CSMD1: variants seen among roughly 807,000 people sequenced by gnomAD.
The protein encoded by CSMD1 is CUB and Sushi multiple domains 1.
Under a neutral mutation model 417.5 loss-of-function variants are expected in CSMD1, and 213 were observed. The ratio of observed to expected loss-of-function variants is 0.51; its 90% CI spans 0.46 to 0.57. The LOEUF (loss-of-function observed/expected upper bound fraction) is 0.57. Ranked by LOEUF, CSMD1 falls within the 20% of genes least tolerant of loss-of-function variation. The probability of loss-of-function intolerance (pLI) is 0.00; values close to 1 mark genes in which losing one functional copy is unlikely to be tolerated. For missense variants in CSMD1, 6,923 were observed against 4,529.7 expected (o/e 1.53, Z -15.17); for synonymous variants, 2,862 against 1,736.8 (o/e 1.65, Z -16.11).
intron 1 of CSMD1, among the ~76,000 whole-genome samples, chr8:4,834,231 G>A (rs906483606): frequency 6.6e-6 from 1 of 152,160 alleles, no homozygotes; most frequent in African/African-American, 2.4e-5. Context: ...GGTAAGGAGA[G>A]GGAAGAAAAA....
intron 21 of CSMD1, among the ~76,000 whole-genome samples, chr8:3,355,668 C>T (rs1344054150): frequency 2.0e-5 from 3 of 152,196 alleles, no homozygotes. Context: ...TTTACCCAGA[C>T]TGGCAAAACT....
At chr8:4,130,717 A>G (rs926756291) in intron 3 of CSMD1, among the ~76,000 whole-genome samples, 14 of 121,680 alleles carry the variant, frequency 1.2e-4, no homozygotes, top group Admixed American at 6.6e-4. Flanking sequence ...ATAACACATG[A>G]AAGTATTTTG....
chr8:4,939,046 T>C (rs1047565779), intron 1 of CSMD1, among the ~76,000 whole-genome samples: 2 of 152,230 alleles, frequency 1.3e-5, no homozygotes, highest in African/African-American at 4.8e-5. Context: ...ACATTAACCC[T>C]GCATCAGATG....
intron 1 of CSMD1, among the ~76,000 whole-genome samples, chr8:4,724,138 T>C (rs1194570612): frequency 6.6e-6 from 1 of 152,152 alleles, no homozygotes; most frequent in Non-Finnish European, 1.5e-5. Context: ...AGACCTCCTC[T>C]TGCAAACAAA....
chr8:4,882,060 C>G (rs756334910), intron 1 of CSMD1, among the ~76,000 whole-genome samples: 2 of 151,988 alleles, frequency 1.3e-5, no homozygotes, highest in Non-Finnish European at 2.9e-5. Context: ...TTTCTGTTTT[C>G]TTATTTAGAA....
chr8:3,141,062 T>C (rs980427162), intron 41 of CSMD1, among the ~76,000 whole-genome samples: 1 of 152,188 alleles, frequency 6.6e-6, no homozygotes, highest in African/African-American at 2.4e-5. Flanking sequence ...ACAATGGGAC[T>C]CTCTGTGTCC....
rs532823741 is a variant in CSMD1, at chr8:4,946,036, T to G, written c.85+48296A>C. 2.5e-3 allele frequency among the ~76,000 whole-genome samples: 385 copies of G among 152,262 alleles called. 1 individual carries two copies. Among genetic ancestry groups the G allele is most frequent in the African/African-American group, 8.8e-3 (364 of 41,564 alleles). ...TGGGCTCTTGTGAACATCAGACTTC[T>G]CCCGTCTGCTGTGGTCCTTCAGCAT... On this transcript the variant is annotated intron_variant, in intron 1 of 69. Transcript: ENST00000635120.
At chr8:4,643,954 T>A (rs1005586055) in intron 1 of CSMD1, among the ~76,000 whole-genome samples, 2 of 152,202 alleles carry the variant, frequency 1.3e-5, no homozygotes, top group Admixed American at 6.5e-5. Flanking sequence ...CATCAGCCAC[T>A]CTGGCTCAGC....
rs185684488 is a variant in CSMD1, at chr8:3,488,858, A to T, written c.1448+4765T>A. 1.0e-3 allele frequency among the ~76,000 whole-genome samples: 156 copies of T among 152,290 alleles called. 1 individual carries two copies. The highest frequency in any genetic ancestry group is 1.8e-3 in the Non-Finnish European group (123 of 68,028). On this transcript the variant is annotated intron_variant, in intron 11 of 69. Transcript: ENST00000635120. ...AATATACAGAAAAATAATTGGGATCATGTGATTCCAGAGTTTTAAGAATCT... is the reference window on the plus strand; with the variant it reads ...AATATACAGAAAAATAATTGGGATCTTGTGATTCCAGAGTTTTAAGAATCT...
At chr8:3,896,913 C>G (rs1438939367) in intron 5 of CSMD1, among the ~76,000 whole-genome samples, 1 of 151,956 alleles carries the variant, frequency 6.6e-6, no homozygotes, top group African/African-American at 2.4e-5. Flanking sequence ...TCTCCAATAA[C>G]AACCTCTATC....
chr8:4,211,630 A>G (rs1800319466), intron 3 of CSMD1, among the ~76,000 whole-genome samples: 1 of 152,348 alleles, frequency 6.6e-6, no homozygotes, highest in East Asian at 1.9e-4. Context: ...AACAGTAAAT[A>G]TCCCATCGTA....
At chr8:4,190,075 G>T (rs894532751) in intron 3 of CSMD1, among the ~76,000 whole-genome samples, 2 of 151,648 alleles carry the variant, frequency 1.3e-5, no homozygotes, top group East Asian at 3.9e-4. Flanking sequence ...TGGCTAACAT[G>T]GTGAAACCCC....
At chr8:3,233,380 A>G (rs1798961397) in intron 26 of CSMD1, among the ~76,000 whole-genome samples, 1 of 152,208 alleles carries the variant, frequency 6.6e-6, no homozygotes, top group African/African-American at 2.4e-5. Context: ...CAGAATCCCC[A>G]CCAGCAAGAG....
chr8:3,182,055 G>GAACT (rs1362588089), intron 36 of CSMD1, among the ~76,000 whole-genome samples: 2 of 152,112 alleles, frequency 1.3e-5, no homozygotes, highest in African/African-American at 4.8e-5. Context: ...CGATGTCAAA[G>GAACT]AACTATCCAT....
chr8:4,247,562 C>T (rs1409404378), intron 3 of CSMD1, among the ~76,000 whole-genome samples: 3 of 152,042 alleles, frequency 2.0e-5, no homozygotes, highest in East Asian at 1.9e-4. Context: ...TTAAGAATTC[C>T]GCATAATACC....
At chr8:4,887,359 G>A (rs1350767474) in intron 1 of CSMD1, among the ~76,000 whole-genome samples, 2 of 152,000 alleles carry the variant, frequency 1.3e-5, no homozygotes, top group South Asian at 2.1e-4. Context: ...CCGTTTAAAT[G>A]TATTAAGGCT....
At chr8:3,806,173 A>G (rs982930516) in intron 5 of CSMD1, among the ~76,000 whole-genome samples, 3 of 152,306 alleles carry the variant, frequency 2.0e-5, no homozygotes, top group Admixed American at 6.5e-5. Context: ...CATATAAGAT[A>G]CCTTGGGTCG....
At chr8:3,177,102 A>C (rs1820981019) in intron 37 of CSMD1, among the ~76,000 whole-genome samples, 1 of 152,136 alleles carries the variant, frequency 6.6e-6, no homozygotes. Flanking sequence ...CTAAAGGACA[A>C]ACTCCCCCAG....
intron 5 of CSMD1, among the ~76,000 whole-genome samples, chr8:3,783,195 C>A (rs1175966447): frequency 6.6e-6 from 1 of 152,210 alleles, no homozygotes; most frequent in Non-Finnish European, 1.5e-5. Flanking sequence ...TGTTCAATCA[C>A]CATTCTTTCT....
Sources: allele counts gnomAD v4.1 joint callset (sites outside exome capture counted in the v4.1 genomes callset), GRCh38; gene constraint gnomAD v4.1.1; transcripts MANE v1.5; gene names NCBI Gene and HGNC (gene_info 2026-07-23, HGNC 2026-07-21).